The following DLGAP2 variants were observed in gnomAD, a reference collection of about 807,000 sequenced individuals.
The protein encoded by DLGAP2 is DLG associated protein 2.
A neutral mutation model predicts 100.3 loss-of-function variants in DLGAP2; 26 were observed. The observed-to-expected ratio is 0.26, with a 90% CI of 0.19 to 0.36. The LOEUF is 0.36. DLGAP2 is among the 10% of genes least tolerant of loss of function. The pLI is 1.00. For synonymous variants in DLGAP2, 886 were observed against 630.1 expected, an observed-to-expected ratio of 1.41 and a Z score of -6.08; for missense variants, 1,858 against 1,453.2, an observed-to-expected ratio of 1.28 and a Z score of -4.53.
At chr8:1,641,712 A>G (rs1227215837) in intron 8 of DLGAP2, among the ~76,000 whole-genome samples, 2 of 152,254 alleles carry the variant, frequency 1.3e-5, no homozygotes, top group East Asian at 3.9e-4. Context: ...ACTGTAAGAA[A>G]GGATTCCTAA....
chr8:1,087,901 T>C (rs535785901), intron 2 of DLGAP2, among the ~76,000 whole-genome samples: 1 of 152,352 alleles, frequency 6.6e-6, no homozygotes, highest in Admixed American at 6.5e-5. Context: ...CACATCCATG[T>C]CACCAGGTCC....
intron 2 of DLGAP2, among the ~76,000 whole-genome samples, chr8:1,119,403 G>A (rs563119802): frequency 5.3e-4 from 80 of 152,308 alleles, no homozygotes; most frequent in Non-Finnish European, 8.8e-4. Context: ...ACTGCAGTGC[G>A]TCATGTGAGT....
chr8:1,607,162 C>T (rs1208294527), intron 6 of DLGAP2, among the ~76,000 whole-genome samples: 1 of 152,150 alleles, frequency 6.6e-6, no homozygotes, highest in African/African-American at 2.4e-5. Context: ...GCATATGTAA[C>T]ATTATATTAT....
intron 2 of DLGAP2, among the ~76,000 whole-genome samples, chr8:1,170,863 T>G (rs1797114119): frequency 6.8e-6 from 1 of 146,028 alleles, no homozygotes; most frequent in Non-Finnish European, 1.5e-5. Flanking sequence ...TTTTGAAGGG[T>G]TTTTTGTGTC....
chr8:1,616,915 T>G (rs763785422), intron 6 of DLGAP2, among the ~76,000 whole-genome samples: 24 of 152,170 alleles, frequency 1.6e-4, no homozygotes, highest in Non-Finnish European at 3.4e-4. Context: ...CCCCAGTATG[T>G]GTAGTTTTCC....
chr8:989,349 G>A (rs550449524), intron 2 of DLGAP2, among the ~76,000 whole-genome samples: 5 of 152,264 alleles, frequency 3.3e-5, no homozygotes, highest in South Asian at 4.2e-4. Flanking sequence ...GGCTGTCTTC[G>A]GGTTTTTTAT....
chr8:1,611,006 AG>A (rs779517315), intron 6 of DLGAP2, among the ~76,000 whole-genome samples: 8,766 of 134,022 alleles, frequency 0.065, 362 homozygotes, highest in Non-Finnish European at 0.09. Flanking sequence ...TCCAATCAAT[AG>A]AAAAAGAGGA....
intron 3 of DLGAP2, among the ~76,000 whole-genome samples, chr8:1,291,559 T>G (rs1476286404): frequency 2.6e-5 from 4 of 152,186 alleles, no homozygotes; most frequent in Non-Finnish European, 4.4e-5. Flanking sequence ...AGCCCTGCCA[T>G]TCCTAATCCG....
chr8:1,185,927 C>T (rs770354664), intron 2 of DLGAP2, among the ~76,000 whole-genome samples: 2 of 152,174 alleles, frequency 1.3e-5, no homozygotes. Flanking sequence ...CCAAGGACTT[C>T]TCGCCTCGGA....
intron 3 of DLGAP2, among the ~76,000 whole-genome samples, chr8:1,370,046 A>T (rs954836749): frequency 6.6e-6 from 1 of 151,802 alleles, no homozygotes; most frequent in Non-Finnish European, 1.5e-5. Flanking sequence ...GTTGCGGTCC[A>T]GCCCCCATTG....
At chr8:1,246,160 C>T (rs1396082037) in intron 2 of DLGAP2, among the ~76,000 whole-genome samples, 1 of 152,162 alleles carries the variant, frequency 6.6e-6, no homozygotes, top group Non-Finnish European at 1.5e-5. Flanking sequence ...TTTGTAATTA[C>T]TCCATAGCCC....
chr8:800,642 CTA>C (rs1026512964), intron 1 of DLGAP2, among the ~76,000 whole-genome samples: 42 of 152,094 alleles, frequency 2.8e-4, no homozygotes, highest in African/African-American at 8.2e-4. Flanking sequence ...GTGTGCATGT[CTA>C]TGTGTGCACA....
chr8:1,244,614 C>CCTACCTGCT (rs1798866541), intron 2 of DLGAP2, among the ~76,000 whole-genome samples: 1 of 151,992 alleles, frequency 6.6e-6, no homozygotes, highest in Non-Finnish European at 1.5e-5. Context: ...CAAATCCAGC[C>CCTACCTGCT]CCATACACCA....
intron 4 of DLGAP2, among the ~76,000 whole-genome samples, chr8:1,522,478 G>C (rs549528090): frequency 3.7e-4 from 56 of 152,330 alleles, no homozygotes; most frequent in African/African-American, 1.3e-3. Flanking sequence ...GCCAGTCAGA[G>C]CCTCACGCAC....
chr8:1,206,540 AC>A, intron 2 of DLGAP2, among the ~76,000 whole-genome samples: 2 of 151,126 alleles, frequency 1.3e-5, no homozygotes, highest in African/African-American at 2.4e-5. Flanking sequence ...ACTGGGGTAG[AC>A]TGTGAGCGGT....
intron 3 of DLGAP2, among the ~76,000 whole-genome samples, chr8:1,495,640 T>C (rs1361500414): frequency 6.6e-6 from 1 of 152,212 alleles, no homozygotes; most frequent in Admixed American, 6.5e-5. Context: ...TGGAGGACCC[T>C]GGCTTTGATC....
At chr8:1,427,953 TATATC>T (rs1797283233) in intron 3 of DLGAP2, among the ~76,000 whole-genome samples, 6 of 152,332 alleles carry the variant, frequency 3.9e-5, no homozygotes, top group Admixed American at 3.3e-4. Context: ...AAAATGAACT[TATATC>T]AGTATTTGTA....
chr8:1,466,690 T>A (rs944988635), intron 3 of DLGAP2, among the ~76,000 whole-genome samples: 6 of 152,154 alleles, frequency 3.9e-5, no homozygotes, highest in African/African-American at 1.4e-4. Flanking sequence ...GGCATTTCTC[T>A]GTTAGATACA....
rs57951403 is a variant in DLGAP2 at position 1,385,629 on chromosome 8, A to G, written c.107-115737A>G. Among the ~76,000 whole-genome samples the G allele has an allele frequency of 1.7e-4, 8 of 47,742 alleles. 1 individual carries two copies. Among genetic ancestry groups the G allele is most frequent in the South Asian group, 1.8e-3 (2 of 1,120 alleles). 31.3% of individuals were successfully genotyped at this position (47,742 alleles called of 152,430 possible). ...ACTTGGTGCACAGTTACCCCGGCCT[A>G]TGCCCATCCCCTGAGAACTTGGTGC... is the stretch of plus-strand genomic sequence containing the variant. On this transcript the variant is annotated intron_variant, in intron 3 of 14. Transcript: ENST00000637795.
Sources: gnomAD v4.1 joint callset for allele counts (sites outside exome capture counted in the v4.1 genomes callset) on GRCh38, gnomAD v4.1.1 for gene constraint, MANE v1.5 for transcripts, NCBI Gene and HGNC (gene_info 2026-07-23, HGNC 2026-07-21) for gene names.